ACER3: variants seen among roughly 807,000 people sequenced by gnomAD.
ACER3 encodes alkaline ceramidase 3.
ACER3 carries 16 observed loss-of-function variants against 48.9 expected under a neutral mutation model. The observed-to-expected ratio is 0.33, with a 90% confidence interval of 0.22 to 0.50. ACER3 has a LOEUF of 0.50. ACER3 is among the 20% of genes least tolerant of loss of function. ACER3 has a pLI of 0.98. For synonymous variants in ACER3, 109 were observed against 107.8 expected, an observed-to-expected ratio of 1.01 and a Z score of -0.07; for missense variants, 227 against 326.0, an observed-to-expected ratio of 0.70 and a Z score of 2.34.
At chr11:76,867,278 G>T (rs1945114092) in intron 1 of ACER3, among the ~76,000 whole-genome samples, 1 of 151,898 alleles carries the variant, frequency 6.6e-6, no homozygotes, top group South Asian at 2.1e-4. Flanking sequence ...AGACCAGCCT[G>T]GCCAACATGA....
chr11:76,973,101 T>C (rs1948350836), intron 3 of ACER3, among the ~76,000 whole-genome samples: 1 of 152,212 alleles, frequency 6.6e-6, no homozygotes, highest in Admixed American at 6.5e-5. Context: ...GCCAGGCCCA[T>C]GGAGCAGAGC....
intron 5 of ACER3, 106 bp downstream of exon 5, chr11:76,985,830 T>C (rs1011844319): frequency 4.9e-5 from 29 of 589,130 alleles, no homozygotes; most frequent in Non-Finnish European, 6.1e-5. Flanking sequence ...AACTGAAATC[T>C]TTCTACACAA....
At chr11:76,864,024 T>C (rs568418381) in intron 1 of ACER3, among the ~76,000 whole-genome samples, 3 of 152,370 alleles carry the variant, frequency 2.0e-5, no homozygotes, top group African/African-American at 7.2e-5. Flanking sequence ...CTATTCAGTT[T>C]ACTCAACCAT....
intron 1 of ACER3, among the ~76,000 whole-genome samples, chr11:76,925,610 G>T (rs1314950683): frequency 6.6e-6 from 1 of 152,076 alleles, no homozygotes; most frequent in Non-Finnish European, 1.5e-5. Context: ...TTGTAGTCTT[G>T]AGCCTTTTCT....
intron 2 of ACER3, among the ~76,000 whole-genome samples, chr11:76,943,340 C>T (rs1947387229): frequency 6.6e-6 from 1 of 151,788 alleles, no homozygotes; most frequent in Non-Finnish European, 1.5e-5. Flanking sequence ...CTGTATACCA[C>T]CAGTTTGGGT....
rs112725066 is a variant in ACER3 at position 76,898,643 on chromosome 11, G to A, written c.104-27914G>A. Among the ~76,000 whole-genome samples, 994 of 151,834 alleles carry A rather than the reference G, an allele frequency of 6.5e-3. 10 individuals carry two copies. The highest frequency in any genetic ancestry group is 0.023 in the African/African-American group (952 of 41,414). The stretch of plus-strand genomic sequence containing the variant: ...TTGGTGGCCGGGCGCGGTGGCTCAC[G>A]CCTGTAATCCCAGCACTTTGGGAGG... On this transcript the variant is annotated intron_variant, in intron 1 of 10. Transcript: ENST00000532485.
intron 1 of ACER3, among the ~76,000 whole-genome samples, chr11:76,870,203 C>T (rs1267199941): frequency 1.3e-5 from 2 of 151,580 alleles, no homozygotes; most frequent in Non-Finnish European, 2.9e-5. Flanking sequence ...CACTATGTTG[C>T]CCAGGCTGGT....
intron 5 of ACER3, among the ~76,000 whole-genome samples, chr11:76,986,754 A>C (rs1164921597): frequency 1.3e-5 from 2 of 152,192 alleles, no homozygotes; most frequent in Non-Finnish European, 2.9e-5. Context: ...TTGAGAGTTC[A>C]AATATTTATC....
intron 1 of ACER3, among the ~76,000 whole-genome samples, chr11:76,883,438 CTTTTTTTT>C (rs60656670): frequency 1.0e-5 from 1 of 98,966 alleles, no homozygotes; most frequent in Non-Finnish European, 1.9e-5. Flanking sequence ...GATTTTCTTG[CTTTTTTTT>C]TTTTTTTTTT....
chr11:76,897,836 G>A (rs928772645), intron 1 of ACER3, among the ~76,000 whole-genome samples: 2 of 152,120 alleles, frequency 1.3e-5, no homozygotes, highest in African/African-American at 4.8e-5. Context: ...GATGAAAAAA[G>A]CGGCTAAGTT....
intron 1 of ACER3, among the ~76,000 whole-genome samples, chr11:76,895,483 G>A (rs974423015): frequency 6.6e-6 from 1 of 152,224 alleles, no homozygotes; most frequent in Non-Finnish European, 1.5e-5. Context: ...AGAAAAAGTA[G>A]AAAGAGAGAT....
rs140986358 is a variant in ACER3, at chr11:77,025,342, C to T, written c.*5015C>T. On this transcript the variant is annotated 3_prime_UTR_variant, in exon 11 of 11. Coordinates refer to ENST00000532485, the MANE Select transcript of ACER3 (RefSeq NM_018367.7). Reference sequence around the variant, plus strand: ...CAACCCATGGGCCAAATTCAGGCTGCGTTGTATGGCCTGCAAGGTAAGAAT... The same window carrying T: ...CAACCCATGGGCCAAATTCAGGCTGTGTTGTATGGCCTGCAAGGTAAGAAT... 5.7e-4 allele frequency: 85 copies of T among 148,994 alleles called. No individual in the cohort carries two copies. The highest frequency in any genetic ancestry group is 2.0e-3 in the African/African-American group (80 of 40,054). 9.2% of individuals were successfully genotyped at this position (148,994 alleles called of 1,614,324 possible). A position where few individuals can be genotyped will look rare whatever the true frequency, so the allele number is the denominator to read the frequency against.
intron 1 of ACER3, among the ~76,000 whole-genome samples, chr11:76,885,724 A>G (rs539871593): frequency 6.6e-6 from 1 of 152,256 alleles, no homozygotes; most frequent in African/African-American, 2.4e-5. Context: ...GGGTAGGGGA[A>G]TAGTAGCCTA....
intron 4 of ACER3, among the ~76,000 whole-genome samples, chr11:76,983,228 T>A (rs1948622174): frequency 6.6e-6 from 1 of 151,548 alleles, no homozygotes; most frequent in South Asian, 2.1e-4. Context: ...CTTTAATTTA[T>A]CCAAGTGACT....
intron 3 of ACER3, among the ~76,000 whole-genome samples, chr11:76,959,472 T>C: frequency 6.6e-6 from 1 of 152,230 alleles, no homozygotes; most frequent in East Asian, 1.9e-4. Flanking sequence ...TGACCCAGGA[T>C]GGCTTTGAAT....
At chr11:76,951,341 A>C (rs1402008196) in intron 2 of ACER3, among the ~76,000 whole-genome samples, 3 of 152,184 alleles carry the variant, frequency 2.0e-5, no homozygotes, top group Non-Finnish European at 4.4e-5. Context: ...CCATTAAAGC[A>C]CATCATAGTA....
At chr11:76,963,931 C>T (rs539986717) in intron 3 of ACER3, among the ~76,000 whole-genome samples, 25 of 151,532 alleles carry the variant, frequency 1.6e-4, no homozygotes, top group Middle Eastern at 3.4e-3. Flanking sequence ...ACTGAGGTAC[C>T]GGGTTCATCT....
At chr11:76,992,874 CTTTT>C (rs35182219) in intron 6 of ACER3, among the ~76,000 whole-genome samples, 1 of 147,936 alleles carries the variant, frequency 6.8e-6, no homozygotes, top group African/African-American at 2.5e-5. Context: ...ATCTCCCCAC[CTTTT>C]TTTTTTTTGA....
At chr11:76,999,992 T>C (rs1438582639) in intron 7 of ACER3, among the ~76,000 whole-genome samples, 1 of 152,128 alleles carries the variant, frequency 6.6e-6, no homozygotes, top group Non-Finnish European at 1.5e-5. Flanking sequence ...AATTGCTAGG[T>C]TTTGTAGTAA....
Sources: allele counts gnomAD v4.1 joint callset (sites outside exome capture counted in the v4.1 genomes callset), GRCh38; gene constraint gnomAD v4.1.1; transcripts MANE v1.5; gene names NCBI Gene and HGNC (gene_info 2026-07-23, HGNC 2026-07-21).